TASP1: variants seen among roughly 807,000 people sequenced by gnomAD.
TASP1 encodes the protein taspase 1, also known as threonine aspartase 1.
A neutral mutation model predicts 56.6 loss-of-function variants in TASP1; 16 were observed. The ratio of observed to expected loss-of-function variants is 0.28; its 90% CI spans 0.19 to 0.43. TASP1 has a LOEUF of 0.43. Ranked by LOEUF, TASP1 falls within the 20% of genes least tolerant of loss-of-function variation. TASP1 has a pLI of 1.00. For missense variants in TASP1, 393 were observed against 511.6 expected, an observed-to-expected ratio of 0.77 and a Z score of 2.24; for synonymous variants, 179 against 184.2, an observed-to-expected ratio of 0.97 and a Z score of 0.23.
intron 13 of TASP1, among the ~76,000 whole-genome samples, chr20:13,391,925 G>A (rs747290100): frequency 7.6e-5 from 11 of 145,234 alleles, no homozygotes; most frequent in Non-Finnish European, 1.5e-4. Flanking sequence ...CCGAGATCAC[G>A]CCACTGCACT....
chr20:13,402,096 TA>T (rs777016694), intron 13 of TASP1, among the ~76,000 whole-genome samples: 1 of 152,220 alleles, frequency 6.6e-6, no homozygotes, highest in Non-Finnish European at 1.5e-5. Flanking sequence ...GATCTTACCC[TA>T]CACCATGATT....
chr20:13,620,784 T>C (rs2048687595), intron 4 of TASP1, among the ~76,000 whole-genome samples: 3 of 152,232 alleles, frequency 2.0e-5, no homozygotes, highest in Admixed American at 6.5e-5. Context: ...CTTTTCAGTA[T>C]TCTGAAAGGA....
chr20:13,631,695 T>C (rs1394127236), intron 1 of TASP1, among the ~76,000 whole-genome samples: 1 of 152,260 alleles, frequency 6.6e-6, no homozygotes, highest in African/African-American at 2.4e-5. Flanking sequence ...GTATGGACTA[T>C]GAAACCTCAA....
intron 11 of TASP1, among the ~76,000 whole-genome samples, chr20:13,450,086 T>C (rs2043560303): frequency 6.6e-6 from 1 of 152,120 alleles, no homozygotes; most frequent in Non-Finnish European, 1.5e-5. Context: ...CCAGTGCATA[T>C]GAAAGTTATG....
At chr20:13,563,387 C>T (rs1250839188) in intron 7 of TASP1, among the ~76,000 whole-genome samples, 1 of 151,958 alleles carries the variant, frequency 6.6e-6, no homozygotes, top group East Asian at 1.9e-4. Context: ...AAAACATTAA[C>T]GAAGAGGAAA....
At chr20:13,191,916 T>C in the TASP1 span, among the ~76,000 whole-genome samples, 5 of 152,184 alleles carry the variant, frequency 3.3e-5, no homozygotes, top group African/African-American at 9.7e-5. Flanking sequence ...AAAAGAAGCC[T>C]AATAAGACCA....
the TASP1 span, among the ~76,000 whole-genome samples, chr20:13,179,396 G>C: frequency 9.9e-6 from 1 of 100,550 alleles, no homozygotes; most frequent in Non-Finnish European, 2.1e-5. Flanking sequence ...TGGATAAGTA[G>C]AATTATGTGC....
chr20:13,559,479 C>T (rs2046271234), intron 7 of TASP1, among the ~76,000 whole-genome samples: 1 of 151,952 alleles, frequency 6.6e-6, no homozygotes, highest in Non-Finnish European at 1.5e-5. Flanking sequence ...AGATTATCCA[C>T]AAAGAAAGGA....
At chr20:13,569,361 C>A in intron 7 of TASP1, 146 bp downstream of exon 7, 1 of 549,832 alleles carries the variant, frequency 1.8e-6, no homozygotes, top group Non-Finnish European at 3.0e-6. Context: ...AATGAAATAA[C>A]TTTCTACGTA....
chr20:13,260,347 G>A, the TASP1 span, among the ~76,000 whole-genome samples: 7 of 152,304 alleles, frequency 4.6e-5, no homozygotes, highest in South Asian at 6.2e-4. Context: ...TCTCAGCTTC[G>A]AGTCTTTGAA....
intron 10 of TASP1, among the ~76,000 whole-genome samples, chr20:13,506,436 G>T (rs1050768320): frequency 2.6e-5 from 4 of 152,148 alleles, no homozygotes; most frequent in African/African-American, 9.6e-5. Context: ...CAAAGGCATT[G>T]TAAGAAAAGA....
downstream of TASP1, among the ~76,000 whole-genome samples, chr20:13,386,938 G>A (rs776069942): frequency 6.6e-6 from 1 of 152,090 alleles, no homozygotes; most frequent in African/African-American, 2.4e-5. Flanking sequence ...TGTTGTGGGG[G>A]TTTGGTTTAC....
the TASP1 span, among the ~76,000 whole-genome samples, chr20:13,327,018 A>G: frequency 3.2e-4 from 49 of 152,324 alleles, no homozygotes; most frequent in African/African-American, 1.1e-3. Context: ...GGGGAAGTCA[A>G]ATTATCTTTG....
At chr20:13,211,943 T>C in the TASP1 span, among the ~76,000 whole-genome samples, 1 of 152,152 alleles carries the variant, frequency 6.6e-6, no homozygotes. Context: ...ATGGTTACTA[T>C]CCAGTGCTTA....
At chr20:13,459,413 C>A (rs1002083416) in intron 11 of TASP1, among the ~76,000 whole-genome samples, 4 of 152,120 alleles carry the variant, frequency 2.6e-5, no homozygotes, top group African/African-American at 9.7e-5. Context: ...TAATTCTCTG[C>A]AGAAACCATC....
At chr20:13,111,946 G>C in the TASP1 span, among the ~76,000 whole-genome samples, 14 of 152,128 alleles carry the variant, frequency 9.2e-5, no homozygotes, top group Non-Finnish European at 1.9e-4. Flanking sequence ...GCCATGCCAG[G>C]CGCCTGCATC....
At chr20:13,142,738 A>T in the TASP1 span, among the ~76,000 whole-genome samples, 2 of 152,198 alleles carry the variant, frequency 1.3e-5, no homozygotes, top group African/African-American at 4.8e-5. Context: ...CTCCAAGCTC[A>T]CATGGCTGTG....
the TASP1 span, among the ~76,000 whole-genome samples, chr20:13,209,285 T>C: frequency 6.6e-5 from 10 of 152,232 alleles, no homozygotes; most frequent in Non-Finnish European, 1.5e-4. Flanking sequence ...GAGATTTTGG[T>C]GTTTTTGTTA....
intron 7 of TASP1, among the ~76,000 whole-genome samples, chr20:13,560,788 T>C (rs1336940272): frequency 6.6e-6 from 1 of 151,670 alleles, no homozygotes; most frequent in Non-Finnish European, 1.5e-5. Flanking sequence ...AAAGAGAAGA[T>C]GGTTACTTGA....
Sources: allele counts gnomAD v4.1 joint callset (sites outside exome capture counted in the v4.1 genomes callset), GRCh38; gene constraint gnomAD v4.1.1; transcripts MANE v1.5; gene names NCBI Gene and HGNC (gene_info 2026-07-23, HGNC 2026-07-21).